Variants in LRMDA observed in about 807,000 individuals in gnomAD.
LRMDA encodes the protein leucine rich melanocyte differentiation associated, also known as leucine-rich melanocyte differentiation-associated protein.
In LRMDA, 18 loss-of-function variants were observed where a neutral mutation model predicts 29.8. The ratio of observed to expected loss-of-function variants is 0.60; its 90% CI spans 0.42 to 0.90. The LOEUF is 0.90. LRMDA is among the 40% of genes least tolerant of loss of function. The probability of loss-of-function intolerance (pLI) is 0.00; values close to 1 mark genes in which losing one functional copy is unlikely to be tolerated. For missense variants in LRMDA, 273 were observed against 273.9 expected, an observed-to-expected ratio of 1.00 and a Z score of 0.02; for synonymous variants, 125 against 109.4, an observed-to-expected ratio of 1.14 and a Z score of -0.89.
At chr10:75,979,286 G>T (rs192410711) in intron 2 of LRMDA, among the ~76,000 whole-genome samples, 2 of 152,224 alleles carry the variant, frequency 1.3e-5, no homozygotes, top group Non-Finnish European at 2.9e-5. Flanking sequence ...ATGCGTGACT[G>T]AAATTAGGGA....
intron 2 of LRMDA, among the ~76,000 whole-genome samples, chr10:75,617,178 T>G (rs1841114725): frequency 6.6e-6 from 1 of 152,208 alleles, no homozygotes; most frequent in South Asian, 2.1e-4. Context: ...CATTTAGATA[T>G]GAGGCATTCA....
intron 2 of LRMDA, among the ~76,000 whole-genome samples, chr10:75,691,662 C>A (rs1168545115): frequency 6.6e-6 from 1 of 151,890 alleles, no homozygotes; most frequent in Non-Finnish European, 1.5e-5. Context: ...AGAGGGTCTG[C>A]TCTGAGTTTT....
At chr10:76,453,012 C>G (rs1447844465) in intron 6 of LRMDA, among the ~76,000 whole-genome samples, 1 of 152,198 alleles carries the variant, frequency 6.6e-6, no homozygotes, top group African/African-American at 2.4e-5. Flanking sequence ...GAGTACCTGA[C>G]TTATGGTAGC....
At chr10:76,282,925 T>A (rs963044786) in intron 5 of LRMDA, among the ~76,000 whole-genome samples, 1 of 152,100 alleles carries the variant, frequency 6.6e-6, no homozygotes, top group Non-Finnish European at 1.5e-5. Context: ...CAAACAGAAG[T>A]CTGTTTGCTA....
chr10:76,275,338 G>A (rs189858899), intron 5 of LRMDA, among the ~76,000 whole-genome samples: 1 of 151,358 alleles, frequency 6.6e-6, no homozygotes, highest in African/African-American at 2.4e-5. Context: ...TTATTTGATT[G>A]TTCTTCATTC....
chr10:76,422,269 C>T (rs772496321), intron 6 of LRMDA, among the ~76,000 whole-genome samples: 14 of 152,060 alleles, frequency 9.2e-5, no homozygotes, highest in Non-Finnish European at 7.4e-5. Context: ...GGTCTCCACA[C>T]GCTCACTCTC....
At chr10:75,562,781 A>G (rs1214286967) in intron 2 of LRMDA, among the ~76,000 whole-genome samples, 3 of 151,844 alleles carry the variant, frequency 2.0e-5, no homozygotes, top group Admixed American at 6.6e-5. Context: ...TTTCTCCTTC[A>G]CTTGTGAAGC....
chr10:76,317,586 G>A (rs1840715937), intron 5 of LRMDA, among the ~76,000 whole-genome samples: 2 of 152,076 alleles, frequency 1.3e-5, no homozygotes, highest in Non-Finnish European at 2.9e-5. Flanking sequence ...TATTGATTTA[G>A]TTTTTGAGAT....
At chr10:76,538,411 T>C (rs191889718) in intron 6 of LRMDA, among the ~76,000 whole-genome samples, 14 of 149,284 alleles carry the variant, frequency 9.4e-5, no homozygotes, top group Non-Finnish European at 1.9e-4. Context: ...TTATTGATTT[T>C]ATTTTTGCTT....
intron 1 of LRMDA, among the ~76,000 whole-genome samples, chr10:75,435,166 T>G (rs1844250098): frequency 6.6e-6 from 1 of 152,264 alleles, no homozygotes; most frequent in Non-Finnish European, 1.5e-5. Context: ...TAAGTCAAGG[T>G]AATTGACTAA....
chr10:76,131,792 C>T (rs1290213177), intron 5 of LRMDA, among the ~76,000 whole-genome samples: 1 of 152,154 alleles, frequency 6.6e-6, no homozygotes. Context: ...GTTGACAGGG[C>T]ACTTGACACT....
chr10:75,879,432 G>T (rs1193308120), intron 2 of LRMDA, among the ~76,000 whole-genome samples: 1 of 152,202 alleles, frequency 6.6e-6, no homozygotes, highest in Non-Finnish European at 1.5e-5. Flanking sequence ...ATCTGCATCA[G>T]CAGTCTGGCA....
At chr10:76,356,884 G>T (rs1007178968) in intron 6 of LRMDA, among the ~76,000 whole-genome samples, 2 of 152,152 alleles carry the variant, frequency 1.3e-5, no homozygotes, top group African/African-American at 4.8e-5. Flanking sequence ...GGAGGAGTTG[G>T]CAGTGGGTGG....
rs12573161 is a variant in LRMDA at position 75,521,644 on chromosome 10, C to T, written c.131+83150C>T. 0.025 allele frequency among the ~76,000 whole-genome samples: 3,858 copies of T among 152,286 alleles called. 423 individuals are homozygous for T. In the East Asian group the frequency reaches 0.35, roughly 14 times the overall value. On this transcript the variant is annotated intron_variant, in intron 2 of 6. Transcript: ENST00000611255. ...CTTCCCTTGACTAGGAAAGGGTAAT[C>T]CCCTGACCCTTTGCACTTCCCAGGT...
chr10:76,080,354 C>A (rs1363674319), intron 5 of LRMDA, among the ~76,000 whole-genome samples: 2 of 152,104 alleles, frequency 1.3e-5, no homozygotes, highest in African/African-American at 2.4e-5. Context: ...TTCTGTTTAC[C>A]CCATGGGGCC....
At chr10:76,384,424 T>A (rs1299648914) in intron 6 of LRMDA, among the ~76,000 whole-genome samples, 1 of 152,200 alleles carries the variant, frequency 6.6e-6, no homozygotes. Context: ...AATTTCATAT[T>A]TTATACCGAA....
intron 2 of LRMDA, among the ~76,000 whole-genome samples, chr10:75,442,503 G>A (rs1216135657): frequency 1.3e-5 from 2 of 152,124 alleles, no homozygotes; most frequent in South Asian, 4.1e-4. Context: ...ACCATTTATT[G>A]AAGAGACTGT....
At chr10:75,437,857 T>C (rs1348574977) in intron 1 of LRMDA, among the ~76,000 whole-genome samples, 1 of 152,074 alleles carries the variant, frequency 6.6e-6, no homozygotes, top group Admixed American at 6.6e-5. Flanking sequence ...TGGAGGGCAT[T>C]TTGTACACAG....
At chr10:75,970,957 G>A (rs903682799) in intron 2 of LRMDA, among the ~76,000 whole-genome samples, 49 of 152,174 alleles carry the variant, frequency 3.2e-4, no homozygotes, top group Admixed American at 7.9e-4. Flanking sequence ...AAGGTAGAAA[G>A]GGCAGTAGTT....
Sources: allele counts gnomAD v4.1 joint callset (sites outside exome capture counted in the v4.1 genomes callset), GRCh38; gene constraint gnomAD v4.1.1; transcripts MANE v1.5; gene names NCBI Gene and HGNC (gene_info 2026-07-23, HGNC 2026-07-21).